The following TENM3 variants were observed in gnomAD, a reference collection of about 807,000 sequenced individuals.
The protein encoded by TENM3 is teneurin transmembrane protein 3.
In TENM3, 63 loss-of-function variants were observed where a neutral mutation model predicts 255.1. The observed-to-expected ratio is 0.25, with a 90% confidence interval of 0.20 to 0.30. TENM3 has a LOEUF of 0.30. Among genes scored for constraint, TENM3 ranks in the 10% least tolerant of loss-of-function variants. TENM3 has a pLI of 1.00. For synonymous variants in TENM3, 1,306 were observed against 1,322.3 expected, an observed-to-expected ratio of 0.99 and a Z score of 0.27; for missense variants, 2,929 against 3,461.1, an observed-to-expected ratio of 0.85 and a Z score of 3.86.
At chr4:181,577,470 A>G in the TENM3 span, among the ~76,000 whole-genome samples, 2 of 151,846 alleles carry the variant, frequency 1.3e-5, no homozygotes, top group Non-Finnish European at 2.9e-5. Context: ...CAGTTCTCTC[A>G]CTGTAAATAC....
chr4:182,550,489 A>G (rs77950591), intron 3 of TENM3, among the ~76,000 whole-genome samples: 5,935 of 152,278 alleles, frequency 0.039, 226 homozygotes, highest in East Asian at 0.094. Flanking sequence ...AGGTGGTAGC[A>G]TCCTTTGCAG....
chr4:182,417,588 G>A (rs1770484257), intron 3 of TENM3, among the ~76,000 whole-genome samples: 1 of 152,086 alleles, frequency 6.6e-6, no homozygotes, highest in Admixed American at 6.5e-5. Context: ...ATAATGCCAG[G>A]AAGGACTTAG....
chr4:181,454,085 A>C, the TENM3 span, among the ~76,000 whole-genome samples: 326 of 152,310 alleles, frequency 2.1e-3, 5 homozygotes, highest in African/African-American at 7.5e-3. Context: ...CCTGTTGCAT[A>C]TTAAGTATTA....
chr4:182,722,500 G>A (rs1759818331), intron 13 of TENM3, among the ~76,000 whole-genome samples: 1 of 152,004 alleles, frequency 6.6e-6, no homozygotes, highest in Non-Finnish European at 1.5e-5. Context: ...GGAGCTTAAT[G>A]AGACAGTTGT....
At chr4:181,530,119 GTAA>G in the TENM3 span, among the ~76,000 whole-genome samples, 3 of 152,134 alleles carry the variant, frequency 2.0e-5, no homozygotes, top group Non-Finnish European at 2.9e-5. Context: ...TTTTTAAAAA[GTAA>G]CATTTTAAGT....
chr4:181,877,183 A>T, the TENM3 span: 3 of 152,240 alleles, frequency 2.0e-5, no homozygotes, highest in South Asian at 6.2e-4. Context: ...TAGAGTTTAG[A>T]GGGGGTAAAC....
the TENM3 span, among the ~76,000 whole-genome samples, chr4:181,803,791 C>T: frequency 6.6e-6 from 1 of 151,650 alleles, no homozygotes; most frequent in African/African-American, 2.4e-5. Flanking sequence ...AAAAAATTAG[C>T]CAGGTGTGGT....
the TENM3 span, among the ~76,000 whole-genome samples, chr4:182,001,455 A>G: frequency 1.6e-3 from 236 of 152,200 alleles, 1 homozygote; most frequent in African/African-American, 5.3e-3. Flanking sequence ...CCTCCACTTG[A>G]AAGTGGTATA....
chr4:182,469,107 C>A (rs1360891795), intron 3 of TENM3, among the ~76,000 whole-genome samples: 1 of 152,052 alleles, frequency 6.6e-6, no homozygotes, highest in Non-Finnish European at 1.5e-5. Context: ...TTTGTTTGTG[C>A]ATCTCCAATG....
chr4:182,776,232 G>A (rs1764684470), intron 24 of TENM3, among the ~76,000 whole-genome samples: 1 of 152,160 alleles, frequency 6.6e-6, no homozygotes, highest in South Asian at 2.1e-4. Context: ...AGGCAACATG[G>A]TGAAACCCAT....
chr4:181,596,505 C>T, the TENM3 span, among the ~76,000 whole-genome samples: 1 of 152,150 alleles, frequency 6.6e-6, no homozygotes, highest in Non-Finnish European at 1.5e-5. Flanking sequence ...ACCATGTATT[C>T]AGCCAACATG....
chr4:182,132,491 A>G, the TENM3 span, among the ~76,000 whole-genome samples: 1 of 151,232 alleles, frequency 6.6e-6, no homozygotes, highest in Admixed American at 6.6e-5. Context: ...ATCTGTCTCA[A>G]AAAAAAAAGT....
the TENM3 span, among the ~76,000 whole-genome samples, chr4:181,781,674 A>G: frequency 6.6e-6 from 1 of 152,148 alleles, no homozygotes. Flanking sequence ...GAGTGGTGAG[A>G]GAGGGCATCC....
the TENM3 span, among the ~76,000 whole-genome samples, chr4:181,831,968 TTG>T: frequency 0.083 from 11,065 of 132,518 alleles, 557 homozygotes; most frequent in East Asian, 0.24. Flanking sequence ...ATATATTACA[TTG>T]TGTGTGTGTG....
chr4:182,418,778 G>A (rs1219457058), intron 3 of TENM3, among the ~76,000 whole-genome samples: 1 of 152,060 alleles, frequency 6.6e-6, no homozygotes, highest in East Asian at 1.9e-4. Flanking sequence ...GCCCAGGCTG[G>A]TCTTGAACCC....
the TENM3 span, among the ~76,000 whole-genome samples, chr4:181,927,577 G>T: frequency 6.6e-6 from 1 of 152,224 alleles, no homozygotes; most frequent in African/African-American, 2.4e-5. Context: ...CCTGGGGGAA[G>T]GGGTAGCTGT....
At chr4:181,679,883 A>C in the TENM3 span, among the ~76,000 whole-genome samples, 1 of 152,126 alleles carries the variant, frequency 6.6e-6, no homozygotes, top group Admixed American at 6.6e-5. Context: ...AGTTAGTTCA[A>C]AGTGGGGTTC....
the TENM3 span, among the ~76,000 whole-genome samples, chr4:181,727,645 TTTA>T: frequency 6.6e-6 from 1 of 152,220 alleles, no homozygotes; most frequent in Non-Finnish European, 1.5e-5. Flanking sequence ...TTTACTATAT[TTTA>T]TTATTTGTCA....
chr4:181,724,541 T>A, the TENM3 span, among the ~76,000 whole-genome samples: 1 of 152,208 alleles, frequency 6.6e-6, no homozygotes, highest in Non-Finnish European at 1.5e-5. Flanking sequence ...CTTGCTTTTG[T>A]TTCATAAATA....
Sources: gnomAD v4.1 joint callset for allele counts (sites outside exome capture counted in the v4.1 genomes callset) on GRCh38, gnomAD v4.1.1 for gene constraint, MANE v1.5 for transcripts, NCBI Gene and HGNC (gene_info 2026-07-23, HGNC 2026-07-21) for gene names.